Variants in PGCKA1 observed in about 807,000 individuals in gnomAD.
PGCKA1 encodes the protein PDCD10 and GCKIII kinases associated 1, also known as PDCD10 and GCKIII kinases-associated protein 1.
At chr4:37,522,357 C>T in the PGCKA1 span, among the ~76,000 whole-genome samples, 1 of 152,098 alleles carries the variant, frequency 6.6e-6, no homozygotes, top group African/African-American at 2.4e-5. Context: ...CCATAGCCAC[C>T]ACCATCTCAG....
the PGCKA1 span, among the ~76,000 whole-genome samples, chr4:37,534,455 G>A: frequency 1.3e-5 from 2 of 152,192 alleles, no homozygotes; most frequent in Non-Finnish European, 2.9e-5. Flanking sequence ...GGGTCAGTTA[G>A]CTGATTATTG....
chr4:37,514,801 G>A, the PGCKA1 span, among the ~76,000 whole-genome samples: 1 of 152,188 alleles, frequency 6.6e-6, no homozygotes, highest in African/African-American at 2.4e-5. Flanking sequence ...CAGCTCAGCA[G>A]GGACTGGAGG....
the PGCKA1 span, among the ~76,000 whole-genome samples, chr4:37,496,450 C>T: frequency 7.2e-5 from 11 of 152,102 alleles, no homozygotes; most frequent in Admixed American, 1.3e-4. Flanking sequence ...GTATTCTGTT[C>T]CATTGGTCTG....
chr4:37,500,021 C>G, the PGCKA1 span, among the ~76,000 whole-genome samples: 9 of 144,794 alleles, frequency 6.2e-5, no homozygotes, highest in Admixed American at 6.6e-4. Flanking sequence ...TTCCTGGGTT[C>G]ATGCCATTCT....
At chr4:37,558,438 G>A in the PGCKA1 span, among the ~76,000 whole-genome samples, 7 of 152,010 alleles carry the variant, frequency 4.6e-5, no homozygotes, top group Non-Finnish European at 7.4e-5. Flanking sequence ...GTGTGGTCCC[G>A]GGACCTACGG....
the PGCKA1 span, chr4:37,460,493 G>A: frequency 6.8e-6 from 3 of 441,642 alleles, no homozygotes; most frequent in Non-Finnish European, 1.4e-5. Flanking sequence ...AGCCTTGCCA[G>A]CATCTACTGT....
the PGCKA1 span, among the ~76,000 whole-genome samples, chr4:37,562,447 A>G: frequency 2.0e-5 from 3 of 152,224 alleles, no homozygotes; most frequent in Non-Finnish European, 4.4e-5. Context: ...TCATGGCCTA[A>G]AAAGATCGTG....
the PGCKA1 span, among the ~76,000 whole-genome samples, chr4:37,506,582 C>T: frequency 6.7e-6 from 1 of 148,320 alleles, no homozygotes; most frequent in Non-Finnish European, 1.5e-5. Flanking sequence ...GTATAGTTTC[C>T]AAAATTACTT....
chr4:37,512,788 A>T, the PGCKA1 span, among the ~76,000 whole-genome samples: 1 of 151,910 alleles, frequency 6.6e-6, no homozygotes, highest in African/African-American at 2.4e-5. Context: ...ACTTTGTATT[A>T]CAAATAAATC....
At chr4:37,466,505 GTA>G in the PGCKA1 span, among the ~76,000 whole-genome samples, 3,207 of 152,268 alleles carry the variant, frequency 0.021, 97 homozygotes, top group African/African-American at 0.061. Flanking sequence ...AAACTGAGGA[GTA>G]ATAAGATTTG....
the PGCKA1 span, among the ~76,000 whole-genome samples, chr4:37,462,796 C>A: frequency 6.6e-6 from 1 of 151,518 alleles, no homozygotes; most frequent in Admixed American, 6.6e-5. Context: ...AGATCGAGGC[C>A]ATCCTGGCTA....
chr4:37,491,083 T>G, the PGCKA1 span, among the ~76,000 whole-genome samples: 1 of 152,178 alleles, frequency 6.6e-6, no homozygotes, highest in African/African-American at 2.4e-5. Flanking sequence ...GCAGATTTCA[T>G]AAGGTTCCTT....
the PGCKA1 span, among the ~76,000 whole-genome samples, chr4:37,453,570 G>A: frequency 6.6e-6 from 1 of 152,160 alleles, no homozygotes; most frequent in Admixed American, 6.5e-5. Context: ...TTTGCCAGCG[G>A]GTGCATTTGT....
chr4:37,592,078 G>A, the PGCKA1 span, among the ~76,000 whole-genome samples: 1 of 151,808 alleles, frequency 6.6e-6, no homozygotes. Flanking sequence ...CACGGTGGCG[G>A]GCGCCTGTAA....
chr4:37,455,479 C>T, the PGCKA1 span, among the ~76,000 whole-genome samples: 5 of 152,184 alleles, frequency 3.3e-5, no homozygotes, highest in African/African-American at 1.2e-4. Flanking sequence ...GTGTGGCTTA[C>T]TTCTCTTCTT....
chr4:37,548,603 G>A, the PGCKA1 span, among the ~76,000 whole-genome samples: 2,468 of 152,100 alleles, frequency 0.016, 67 homozygotes, highest in African/African-American at 0.057. Context: ...GGATAAATAT[G>A]TCTACAAGGT....
chr4:37,509,400 C>G, the PGCKA1 span, among the ~76,000 whole-genome samples: 1 of 134,348 alleles, frequency 7.4e-6, no homozygotes, highest in East Asian at 2.1e-4. Flanking sequence ...ACATCCCAGA[C>G]GGGGCGGCAG....
chr4:37,548,599 A>T, the PGCKA1 span, among the ~76,000 whole-genome samples: 45 of 152,292 alleles, frequency 3.0e-4, no homozygotes, highest in African/African-American at 1.0e-3. Flanking sequence ...AATTGGATAA[A>T]TATGTCTACA....
At chr4:37,460,485 C>G in the PGCKA1 span, 1 of 439,672 alleles carries the variant, frequency 2.3e-6, no homozygotes, top group East Asian at 7.5e-5. Flanking sequence ...TTCTCCACAG[C>G]CTTGCCAGCA....
Sources: gnomAD v4.1 joint callset for allele counts (sites outside exome capture counted in the v4.1 genomes callset) on GRCh38, gnomAD v4.1.1 for gene constraint, MANE v1.5 for transcripts, NCBI Gene and HGNC (gene_info 2026-07-23, HGNC 2026-07-21) for gene names.